UBE2C: variants seen among roughly 807,000 people sequenced by gnomAD.
UBE2C encodes the protein ubiquitin conjugating enzyme E2 C, also known as ubiquitin-conjugating enzyme E2 C.
In UBE2C, 16 loss-of-function variants were observed where a neutral mutation model predicts 23.5. The ratio of observed to expected loss-of-function variants is 0.68; its 90% confidence interval spans 0.46 to 1.03. The LOEUF (loss-of-function observed/expected upper bound fraction) is 1.03. Ranked by LOEUF, UBE2C falls within the 50% of genes least tolerant of loss-of-function variation. The pLI is 0.00. For missense variants in UBE2C, 192 were observed against 227.6 expected, an observed-to-expected ratio of 0.84 and a Z score of 1.01; for synonymous variants, 76 against 91.6, an observed-to-expected ratio of 0.83 and a Z score of 0.97.
intron 1 of UBE2C, 121 bp downstream of exon 1, chr20:45,812,917 G>C (rs1982058628): frequency 2.1e-6 from 3 of 1,443,416 alleles, no homozygotes; most frequent in Non-Finnish European, 2.7e-6. Context: ...TGCGGGTGCA[G>C]GAGAACACAC....
At chr20:45,813,327 G>A (rs1340955544) in intron 1 of UBE2C, 110 bp from the exon 2 acceptor site, 2 of 1,602,652 alleles carry the variant, frequency 1.2e-6, no homozygotes, top group African/African-American at 2.7e-5. Flanking sequence ...CCTTGGTGAT[G>A]TGGGGAGCCT....
Position 45,812,708 on chromosome 20 carries a change from A to G in UBE2C, c.13A>G (p.Asn5Asp). 1 of 1,551,350 alleles carries G rather than the reference A, an allele frequency of 6.4e-7. No individual in the cohort carries two copies. The highest frequency in any genetic ancestry group is 2.4e-5 in the East Asian group (1 of 40,940). ...CAACGCCGCCCGGATGGCTTCCCAAAACCGCGACCCAGCCGCCACTAGCGT... is the reference window on the plus strand; with the variant it reads ...CAACGCCGCCCGGATGGCTTCCCAAGACCGCGACCCAGCCGCCACTAGCGT... MASQ[N>D]RDPAATSVAA... The change falls in exon 1 of 6, where the codon AAC (asparagine) becomes GAC (aspartate). Residue 5 changes from asparagine to aspartate, a missense_variant. By Grantham distance (23) the Asn-to-Asp change is conservative. Transcript: ENST00000356455.
Position 45,812,749 on chromosome 20 carries a change from A to G in UBE2C, c.54A>G (p.Lys18=). The G allele has an allele frequency of 6.4e-7, 1 of 1,558,268 alleles. No homozygotes were observed. Among genetic ancestry groups the G allele is most frequent in the South Asian group, 1.2e-5 (1 of 84,668 alleles). Residue 18 remains lysine, a synonymous_variant, in exon 1 of 6, where the codon AAA becomes AAG. Coordinates refer to ENST00000356455, the MANE Select transcript of UBE2C (RefSeq NM_007019.4). ...CCACTAGCGTCGCCGCCGCCCGTAA[A>G]GGAGCTGAGCCGAGCGGGGGCGCCG... ...PAATSVAAAR[K]GAEPSGGAAR...
chr20:45,813,161 G>C, intron 1 of UBE2C: 2 of 1,408,484 alleles, frequency 1.4e-6, no homozygotes, highest in Non-Finnish European at 1.8e-6. Flanking sequence ...CCGAGACAGG[G>C]GAAGGGAGAA....
At chr20:45,813,036 G>A (rs890403143) in intron 1 of UBE2C, 1 of 1,423,570 alleles carries the variant, frequency 7.0e-7, no homozygotes, top group East Asian at 2.6e-5. Context: ...GGACAGGCCA[G>A]GAGCTCAGAC....
At chr20:45,816,299 C>T (rs968876294) in intron 5 of UBE2C, among the ~76,000 whole-genome samples, 2 of 152,186 alleles carry the variant, frequency 1.3e-5, no homozygotes, top group African/African-American at 2.4e-5. Flanking sequence ...CCTCCACCTC[C>T]TCCGACCTTT....
intron 2 of UBE2C, 121 bp from the exon 3 acceptor site, chr20:45,814,263 T>TA: frequency 2.8e-6 from 1 of 357,566 alleles, no homozygotes; most frequent in Non-Finnish European, 4.7e-6. Context: ...TGTGTGTGTG[T>TA]ATGTGAGCAT....
In UBE2C at chr20:45,815,878, A is replaced by C; in HGVS notation, c.446A>C (p.Asn149Thr). Residue 149 changes from asparagine to threonine, a missense_variant, in exon 5 of 6, where the codon AAC (asparagine) becomes ACC (threonine). By Grantham distance (65) the Asn-to-Thr change is moderately conservative (BLOSUM62 0). Coordinates refer to ENST00000356455, the MANE Select transcript of UBE2C (RefSeq NM_007019.4). ...GAACCCAACATTGATAGTCCCTTGAACACACATGCTGCCGAGCTCTGGAAA... is the reference window on the plus strand; with the variant it reads ...GAACCCAACATTGATAGTCCCTTGACCACACATGCTGCCGAGCTCTGGAAA... ...LGEPNIDSPL[N>T]THAAELWKNP... 1 of 1,614,022 alleles carries C rather than the reference A, an allele frequency of 6.2e-7. No individual in the cohort carries two copies. Among genetic ancestry groups the C allele is most frequent in the Non-Finnish European group, 8.5e-7 (1 of 1,180,008 alleles).
intron 3 of UBE2C, 35 bp from the exon 4 acceptor site, chr20:45,815,506 G>A (rs375815317): frequency 1.1e-5 from 18 of 1,614,056 alleles, no homozygotes; most frequent in Non-Finnish European, 1.4e-5. Context: ...GGCTGCTGCT[G>A]GAGCTTACTC....
At position 45,813,479 on chromosome 20, in the gene UBE2C, GCCCAGAAC is replaced by G. The variant is rs781559685; in HGVS notation, c.129+21_129+28del. 6.2e-7 allele frequency: 1 copy of G among 1,614,088 alleles called. No homozygotes were observed. The highest frequency in any genetic ancestry group is 1.1e-5 in the South Asian group (1 of 91,076). ...TGACCCTCATGGTGAGTGATTAAGTGCCCAGAACCCCAGCCTTCCATCCAATTTTCAGT... is the reference window on the plus strand; with the variant it reads ...TGACCCTCATGGTGAGTGATTAAGTGCCCAGCCTTCCATCCAATTTTCAGT... On this transcript the variant is annotated intron_variant, in intron 2 of 5. Coordinates refer to ENST00000356455, the MANE Select transcript of UBE2C (RefSeq NM_007019.4).
At chr20:45,813,615 A>C (rs186123391) in intron 2 of UBE2C, 151 bp downstream of exon 2, 6 of 997,134 alleles carry the variant, frequency 6.0e-6, no homozygotes, top group South Asian at 1.4e-5. Flanking sequence ...CATTTCTTCC[A>C]GCAGTCCCTC....
chr20:45,813,239 G>A, intron 1 of UBE2C, 198 bp from the exon 2 acceptor site: 4 of 1,487,774 alleles, frequency 2.7e-6, no homozygotes, highest in African/African-American at 2.8e-5. Context: ...CATCCCGAGG[G>A]AGTCTGGAAT....
In UBE2C at chr20:45,812,730, G is replaced by T; in HGVS notation, c.35G>T (p.Ser12Ile). The change falls in exon 1 of 6, where the codon AGC becomes ATC. Residue 12 changes from serine to isoleucine, a missense_variant. Ser to Ile is a moderately radical substitution (Grantham distance 142, BLOSUM62 -2). Coordinates refer to ENST00000356455, the MANE Select transcript of UBE2C (RefSeq NM_007019.4). ...ASQNRDPAAT[S>I]VAAARKGAEP... ...CAAAACCGCGACCCAGCCGCCACTA[G>T]CGTCGCCGCCGCCCGTAAAGGAGCT... is the stretch of plus-strand genomic sequence containing the variant. 6.4e-7 allele frequency: 1 copy of T among 1,553,924 alleles called. No individual in the cohort carries two copies. Among genetic ancestry groups the T allele is most frequent in the Non-Finnish European group, 8.7e-7 (1 of 1,148,614 alleles).
intron 3 of UBE2C, 47 bp from the exon 4 acceptor site, chr20:45,815,494 G>A (rs749725543): frequency 1.8e-5 from 29 of 1,614,198 alleles, no homozygotes; most frequent in Non-Finnish European, 2.4e-5. Context: ...GTTGGGACAT[G>A]AGGCTGCTGC....
intron 3 of UBE2C, among the ~76,000 whole-genome samples, chr20:45,814,999 G>A (rs1337655726): frequency 5.9e-5 from 9 of 151,268 alleles, no homozygotes; most frequent in Admixed American, 5.9e-4. Context: ...CACCACGCCC[G>A]GCTAATTTTT....
intron 5 of UBE2C, 55 bp downstream of exon 5, chr20:45,815,968 C>T: frequency 1.3e-6 from 2 of 1,588,812 alleles, no homozygotes; most frequent in Non-Finnish European, 1.7e-6. Context: ...TTCAAAGGCT[C>T]CCTCAAACAA....
In UBE2C at chr20:45,815,906, C is replaced by G. The variant is rs61760191; in HGVS notation, c.474C>G (p.Asn158Lys). 2 of 1,613,944 alleles carry G rather than the reference C, an allele frequency of 1.2e-6. No homozygotes were observed. The highest frequency in any genetic ancestry group is 4.5e-5 in the East Asian group (2 of 44,886). The change falls in exon 5 of 6, where the codon AAC (asparagine) becomes AAG (lysine). Residue 158 changes from asparagine to lysine, a missense_variant. Asn to Lys is a moderately conservative substitution (Grantham distance 94). Coordinates refer to ENST00000356455, the MANE Select transcript of UBE2C (RefSeq NM_007019.4). ...CACATGCTGCCGAGCTCTGGAAAAACCCCACAGGTGAGTCCTCAGTCCTTG... is the reference window on the plus strand; with the variant it reads ...CACATGCTGCCGAGCTCTGGAAAAAGCCCACAGGTGAGTCCTCAGTCCTTG... ...LNTHAAELWK[N>K]PTAFKKYLQE...
chr20:45,814,146 C>CTCTCTCTCTCTATA (rs1158772080), intron 2 of UBE2C, among the ~76,000 whole-genome samples: 4 of 133,896 alleles, frequency 3.0e-5, no homozygotes, highest in African/African-American at 8.2e-5. Flanking sequence ...CTCTCTCTCT[C>CTCTCTCTCTCTATA]TATATATATA....
chr20:45,816,782 C>T lies in UBE2C; in HGVS notation c.*15C>T. 6.2e-7 allele frequency: 1 copy of T among 1,611,650 alleles called. No homozygotes were observed. On this transcript the variant is annotated 3_prime_UTR_variant, in exon 6 of 6. Transcript: ENST00000356455. The stretch of plus-strand genomic sequence containing the variant: ...AGGAGCCCTGACCCAGGCTGCCCAG[C>T]CTGTCCTTGTGTCGTCTTTTTAATT...
Sources: allele counts gnomAD v4.1 joint callset (sites outside exome capture counted in the v4.1 genomes callset), GRCh38; gene constraint gnomAD v4.1.1; transcripts MANE v1.5; gene names NCBI Gene and HGNC (gene_info 2026-07-23, HGNC 2026-07-21).